Variants in DNM3 observed in about 807,000 individuals in gnomAD.
DNM3 encodes the protein dynamin-3.
In DNM3, 47 loss-of-function variants were observed where a neutral mutation model predicts 101.6. That is an observed-to-expected ratio of 0.46 (90% confidence interval 0.37 to 0.59). DNM3 has a LOEUF of 0.59. Among genes scored for constraint, DNM3 ranks in the 20% least tolerant of loss-of-function variants. The pLI, the probability that DNM3 is intolerant of heterozygous loss-of-function variation, is 0.00. For missense variants in DNM3, 849 were observed against 1,085.7 expected (o/e 0.78, Z 3.06); for synonymous variants, 385 against 387.9 (o/e 0.99, Z 0.09).
chr1:172,110,681 A>G (rs1240644238), intron 13 of DNM3, among the ~76,000 whole-genome samples: 1 of 152,242 alleles, frequency 6.6e-6, no homozygotes, highest in Non-Finnish European at 1.5e-5. Flanking sequence ...TTTAAATTTA[A>G]TTGTCATTGC....
chr1:172,292,601 T>TCACACACACACACACA (rs3079013), intron 15 of DNM3, among the ~76,000 whole-genome samples: 2 of 148,692 alleles, frequency 1.3e-5, no homozygotes, highest in South Asian at 4.4e-4. Flanking sequence ...ATAGAAGACT[T>TCACACACACACACACA]CACACACACA....
At chr1:171,965,142 G>T (rs1038473382) in intron 2 of DNM3, among the ~76,000 whole-genome samples, 3 of 150,570 alleles carry the variant, frequency 2.0e-5, no homozygotes, top group Non-Finnish European at 3.0e-5. Context: ...TTGACTAGGG[G>T]TTCACATGCA....
intron 14 of DNM3, among the ~76,000 whole-genome samples, chr1:172,145,565 T>G (rs1175002337): frequency 6.6e-6 from 1 of 152,122 alleles, no homozygotes; most frequent in Non-Finnish European, 1.5e-5. Flanking sequence ...GGCCTCTACA[T>G]GAGTAATTAG....
chr1:172,084,003 A>G (rs1246953688), intron 12 of DNM3, among the ~76,000 whole-genome samples: 1 of 152,316 alleles, frequency 6.6e-6, no homozygotes, highest in East Asian at 1.9e-4. Flanking sequence ...TTAGAAAGCC[A>G]GCAACTCTAC....
intron 16 of DNM3, among the ~76,000 whole-genome samples, chr1:172,318,016 G>A (rs1183518469): frequency 6.6e-6 from 1 of 152,184 alleles, no homozygotes; most frequent in African/African-American, 2.4e-5. Flanking sequence ...GAATCCAGCA[G>A]CACATCAAAA....
intron 20 of DNM3, among the ~76,000 whole-genome samples, chr1:172,399,166 T>G (rs1397934534): frequency 6.6e-6 from 1 of 152,154 alleles, no homozygotes; most frequent in Non-Finnish European, 1.5e-5. Context: ...CCAGGGGACA[T>G]ATTATTCTTT....
Position 172,065,908 on chromosome 1 carries a change from T to C in DNM3, c.1336-2911T>C, listed in dbSNP as rs114988515. Among the ~76,000 whole-genome samples the C allele has an allele frequency of 7.9e-3, 1,206 of 152,302 alleles. 23 individuals carry two copies. Among genetic ancestry groups the C allele is most frequent in the African/African-American group, 0.027 (1,122 of 41,554 alleles). On this transcript the variant is annotated intron_variant, in intron 10 of 20. Coordinates refer to ENST00000627582, the MANE Select transcript of DNM3 (RefSeq NM_015569.5). ...CTTTTTCTATGCACAGAGAGTAGAC[T>C]TGCAGCAATGGAAGATTTAATGTAT...
intron 2 of DNM3, among the ~76,000 whole-genome samples, chr1:171,984,451 T>C (rs899118043): frequency 1.3e-5 from 2 of 152,118 alleles, no homozygotes; most frequent in African/African-American, 4.8e-5. Context: ...TCCCTCAACA[T>C]GCCGAACACA....
chr1:172,173,487 G>C (rs1040855653), intron 14 of DNM3, among the ~76,000 whole-genome samples: 1 of 142,970 alleles, frequency 7.0e-6, no homozygotes, highest in African/African-American at 2.9e-5. Context: ...TCTCAAAAGA[G>C]AGCTTTTTTT....
At position 172,278,409 on chromosome 1, in the gene DNM3, T is replaced by A. The variant is rs191306163; in HGVS notation, c.1769+24727T>A. ...ACATAAAATACACTAAAACTAACAA[T>A]AGCTGATGAGCTAAAAAAAATTGCA... On this transcript the variant is annotated intron_variant, in intron 15 of 20. Coordinates refer to ENST00000627582, the MANE Select transcript of DNM3 (RefSeq NM_015569.5). Among the ~76,000 whole-genome samples, 9 of 152,156 alleles carry A rather than the reference T, an allele frequency of 5.9e-5. No homozygotes were observed. The East Asian group carries it at 1.7e-3, about 29-fold the overall frequency.
At chr1:172,298,877 A>G (rs558328644) in intron 15 of DNM3, among the ~76,000 whole-genome samples, 19 of 141,910 alleles carry the variant, frequency 1.3e-4, no homozygotes, top group South Asian at 2.3e-4. Context: ...GAGAGAGAGA[A>G]AGACAGAGAA....
At chr1:172,294,085 G>T (rs1373721428) in intron 15 of DNM3, among the ~76,000 whole-genome samples, 1 of 152,110 alleles carries the variant, frequency 6.6e-6, no homozygotes, top group South Asian at 2.1e-4. Flanking sequence ...TAAAAGCTAT[G>T]GTAGAAAGGT....
In DNM3 at chr1:172,044,406, T is replaced by C. The variant is rs779057502; in HGVS notation, c.1150T>C (p.Leu384=). The C allele has an allele frequency of 1.2e-6, 2 of 1,608,452 alleles. No individual in the cohort carries two copies. The highest frequency in any genetic ancestry group is 1.7e-6 in the Non-Finnish European group (2 of 1,177,412). ...IVKMEFNEKE[L]RREISYAIKN... is the part of the protein sequence containing the mutation. ...GCAGATGGAGTTCAATGAGAAAGAA[T>C]TGCGAAGAGAAATAAGCTATGCAAT... Residue 384 remains leucine, a synonymous_variant, in exon 9 of 21, where the codon TTG becomes CTG. Transcript: ENST00000627582.
At chr1:171,865,241 C>T (rs1438469557) in intron 1 of DNM3, among the ~76,000 whole-genome samples, 2 of 151,640 alleles carry the variant, frequency 1.3e-5, no homozygotes, top group African/African-American at 2.4e-5. Flanking sequence ...CAGGGCTGGG[C>T]GTGGTAGCTT....
chr1:172,069,062 T>C (rs1221542851), intron 11 of DNM3, among the ~76,000 whole-genome samples, 157 bp downstream of exon 11: 1 of 152,208 alleles, frequency 6.6e-6, no homozygotes, highest in African/African-American at 2.4e-5. Context: ...ATTTATGAAT[T>C]ATACACATAC....
At chr1:172,302,432 C>G (rs916255532) in intron 15 of DNM3, among the ~76,000 whole-genome samples, 1 of 152,254 alleles carries the variant, frequency 6.6e-6, no homozygotes, top group African/African-American at 2.4e-5. Flanking sequence ...GACTCCACAT[C>G]TGGGGACAGG....
chr1:172,170,210 C>T (rs949907148), intron 14 of DNM3, among the ~76,000 whole-genome samples: 5 of 151,850 alleles, frequency 3.3e-5, no homozygotes, highest in African/African-American at 9.7e-5. Context: ...ATGTTAAATA[C>T]TTATTTTTAA....
chr1:171,976,082 G>A (rs1170755377), intron 2 of DNM3, among the ~76,000 whole-genome samples: 1 of 152,218 alleles, frequency 6.6e-6, no homozygotes, highest in Admixed American at 6.5e-5. Flanking sequence ...CTACACATAT[G>A]TAGACAATGG....
chr1:172,403,233 T>C (rs2070638519), intron 20 of DNM3, among the ~76,000 whole-genome samples: 1 of 152,164 alleles, frequency 6.6e-6, no homozygotes, highest in Non-Finnish European at 1.5e-5. Context: ...AGATAATTCC[T>C]ACTTCCCATC....
Sources: allele counts gnomAD v4.1 joint callset (sites outside exome capture counted in the v4.1 genomes callset), GRCh38; gene constraint gnomAD v4.1.1; transcripts MANE v1.5; gene names NCBI Gene and HGNC (gene_info 2026-07-23, HGNC 2026-07-21).